The following GABRB3 variants were observed in gnomAD, a reference collection of about 807,000 sequenced individuals.
GABRB3 encodes the protein gamma-aminobutyric acid type A receptor subunit beta3, also known as gamma-aminobutyric acid receptor subunit beta-3.
GABRB3 carries 14 observed loss-of-function variants against 52.1 expected under a neutral mutation model. That is an observed-to-expected ratio of 0.27 (90% CI 0.18 to 0.42). The LOEUF (loss-of-function observed/expected upper bound fraction) is 0.42, where lower values mean the gene tolerates loss of function less well. Ranked by LOEUF, GABRB3 falls within the 10% of genes least tolerant of loss-of-function variation. GABRB3 has a pLI of 1.00. For synonymous variants in GABRB3, 260 were observed against 232.3 expected (o/e 1.12, Z -1.08); for missense variants, 307 against 609.1 (o/e 0.50, Z 5.22).
intron 3 of GABRB3, among the ~76,000 whole-genome samples, chr15:26,746,562 T>C (rs1165127946): frequency 1.3e-5 from 2 of 151,226 alleles, no homozygotes; most frequent in African/African-American, 4.9e-5. Context: ...TTTTACATTT[T>C]ACATTTAAGT....
At chr15:26,552,977 A>C (rs1889536356) in intron 8 of GABRB3, among the ~76,000 whole-genome samples, 1 of 152,198 alleles carries the variant, frequency 6.6e-6, no homozygotes, top group African/African-American at 2.4e-5. Flanking sequence ...TTTGGTTACC[A>C]TGAAAAGGGA....
intron 3 of GABRB3, among the ~76,000 whole-genome samples, chr15:26,698,323 C>T (rs1035750): frequency 0.42 from 63,409 of 152,032 alleles, 13,953 homozygotes; most frequent in African/African-American, 0.56. Flanking sequence ...AAAATATTGC[C>T]AAAAGATGTA....
intron 6 of GABRB3, among the ~76,000 whole-genome samples, chr15:26,575,171 A>G (rs1890550332): frequency 1.3e-5 from 2 of 152,326 alleles, no homozygotes; most frequent in South Asian, 4.1e-4. Flanking sequence ...CTTTTTGCAA[A>G]AAAGATTTAA....
At chr15:26,722,163 A>G (rs1039122751) in intron 3 of GABRB3, among the ~76,000 whole-genome samples, 32 of 152,282 alleles carry the variant, frequency 2.1e-4, no homozygotes, top group African/African-American at 7.2e-4. Flanking sequence ...TAGGTCCTCA[A>G]CAAGGGTTGC....
At chr15:26,701,273 A>T (rs1187901293) in intron 3 of GABRB3, among the ~76,000 whole-genome samples, 1 of 151,958 alleles carries the variant, frequency 6.6e-6, no homozygotes, top group African/African-American at 2.4e-5. Flanking sequence ...GGGGAAAAAA[A>T]TAGAGAGAAA....
chr15:26,757,038 A>T (rs1890681739), intron 3 of GABRB3, among the ~76,000 whole-genome samples: 1 of 152,230 alleles, frequency 6.6e-6, no homozygotes, highest in African/African-American at 2.4e-5. Flanking sequence ...TAAGAGCTAA[A>T]CTAAATAGAA....
At chr15:26,559,308 G>A in intron 8 of GABRB3, among the ~76,000 whole-genome samples, 1 of 152,150 alleles carries the variant, frequency 6.6e-6, no homozygotes, top group East Asian at 1.9e-4. Flanking sequence ...GTTGCCTGCA[G>A]CTCCTGCTTT....
intron 3 of GABRB3, among the ~76,000 whole-genome samples, chr15:26,663,633 A>T (rs1887615992): frequency 6.6e-6 from 1 of 152,158 alleles, no homozygotes; most frequent in South Asian, 2.1e-4. Flanking sequence ...CATGCACTGA[A>T]TTTGCATCCT....
At chr15:26,574,563 G>A (rs1383761756) in intron 6 of GABRB3, among the ~76,000 whole-genome samples, 1 of 152,092 alleles carries the variant, frequency 6.6e-6, no homozygotes, top group Non-Finnish European at 1.5e-5. Context: ...TATTTCTTCG[G>A]CAATAAAAAG....
intron 3 of GABRB3, among the ~76,000 whole-genome samples, chr15:26,669,315 T>C (rs893182226): frequency 6.6e-6 from 1 of 152,212 alleles, no homozygotes; most frequent in African/African-American, 2.4e-5. Flanking sequence ...CCTGGCTGCA[T>C]GTTCGCTAAG....
chr15:26,624,543 C>T, intron 3 of GABRB3: 1 of 985,446 alleles, frequency 1.0e-6, no homozygotes, highest in Non-Finnish European at 1.2e-6. Context: ...TTATTTTGGA[C>T]TGTGTCGCTC....
At chr15:26,603,251 T>C (rs973748270) in intron 4 of GABRB3, among the ~76,000 whole-genome samples, 8 of 151,900 alleles carry the variant, frequency 5.3e-5, no homozygotes, top group East Asian at 3.9e-4. Context: ...GGTAACAAGA[T>C]TGAAGTCACA....
At chr15:26,734,427 A>T (rs1398010866) in intron 3 of GABRB3, among the ~76,000 whole-genome samples, 1 of 152,164 alleles carries the variant, frequency 6.6e-6, no homozygotes, top group Non-Finnish European at 1.5e-5. Flanking sequence ...GGCACAGGCA[A>T]CAAAAGAAAA....
At chr15:26,759,265 T>A (rs571501582) in intron 3 of GABRB3, among the ~76,000 whole-genome samples, 41 of 151,872 alleles carry the variant, frequency 2.7e-4, no homozygotes, top group Admixed American at 1.0e-3. Context: ...CAAAAAAAAA[T>A]TTTTTTTGAG....
rs1189866727 is a variant in GABRB3 at position 26,572,046 on chromosome 15, AG to A, written c.683-4314del. On this transcript the variant is annotated intron_variant, in intron 6 of 8. Transcript: ENST00000311550. ...GGCGACAGAGCGAGACTCCGTCTCA[AG>A]AAAAAAAAAAAAAAAAAAAAAGGAA... Among the ~76,000 whole-genome samples the A allele has an allele frequency of 2.4e-3, 348 of 147,092 alleles. 2 individuals are homozygous for A. Among genetic ancestry groups the A allele is most frequent in the Non-Finnish European group, 4.1e-3 (276 of 66,568 alleles).
intron 3 of GABRB3, among the ~76,000 whole-genome samples, chr15:26,665,353 T>C (rs1411248771): frequency 6.6e-6 from 1 of 152,140 alleles, no homozygotes; most frequent in Non-Finnish European, 1.5e-5. Flanking sequence ...ATTTAACAAA[T>C]GCAAAACAGA....
At chr15:26,675,871 T>G (rs1027770562) in intron 3 of GABRB3, among the ~76,000 whole-genome samples, 1 of 152,106 alleles carries the variant, frequency 6.6e-6, no homozygotes, top group Non-Finnish European at 1.5e-5. Context: ...CAGTCAGATA[T>G]CCAGGGTTGG....
intron 8 of GABRB3, among the ~76,000 whole-genome samples, chr15:26,555,161 G>A (rs1889706892): frequency 6.6e-6 from 1 of 152,136 alleles, no homozygotes; most frequent in East Asian, 1.9e-4. Context: ...TCCAGCCTGG[G>A]CGACAGAGCG....
At chr15:26,704,904 A>G (rs918807000) in intron 3 of GABRB3, among the ~76,000 whole-genome samples, 3 of 152,142 alleles carry the variant, frequency 2.0e-5, no homozygotes, top group Admixed American at 6.5e-5. Flanking sequence ...CTGAGCTCTC[A>G]CCAGAATCAC....
Sources: gnomAD v4.1 joint callset for allele counts (sites outside exome capture counted in the v4.1 genomes callset) on GRCh38, gnomAD v4.1.1 for gene constraint, MANE v1.5 for transcripts, NCBI Gene and HGNC (gene_info 2026-07-23, HGNC 2026-07-21) for gene names.